The following ZFYVE27 variants were observed in gnomAD, a reference collection of about 807,000 sequenced individuals.
ZFYVE27 encodes protrudin.
A neutral mutation model predicts 52.8 loss-of-function variants in ZFYVE27; 36 were observed. That is an observed-to-expected ratio of 0.68 (90% CI 0.52 to 0.90). The LOEUF (loss-of-function observed/expected upper bound fraction) is 0.90. Among genes scored for constraint, ZFYVE27 ranks in the 40% least tolerant of loss-of-function variants. The pLI is 0.00. For missense variants in ZFYVE27, 450 were observed against 527.2 expected, an observed-to-expected ratio of 0.85 and a Z score of 1.43; for synonymous variants, 223 against 215.6, an observed-to-expected ratio of 1.03 and a Z score of -0.30.
intron 2 of ZFYVE27, among the ~76,000 whole-genome samples, 159 bp from the exon 3 acceptor site, chr10:97,742,935 G>T (rs2044136063): frequency 2.0e-5 from 3 of 152,104 alleles, no homozygotes; most frequent in Admixed American, 6.6e-5. Flanking sequence ...CGCCTCTCCT[G>T]GTCACCAGTC....
chr10:97,751,607 C>G, intron 8 of ZFYVE27, 145 bp downstream of exon 8: 1 of 806,302 alleles, frequency 1.2e-6, no homozygotes, highest in Non-Finnish European at 2.0e-6. Flanking sequence ...AAGAGTGCCA[C>G]TGAACCCCTC....
At chr10:97,747,450 A>C (rs767407353) in intron 4 of ZFYVE27, among the ~76,000 whole-genome samples, 11 of 152,344 alleles carry the variant, frequency 7.2e-5, no homozygotes, top group Admixed American at 2.0e-4. Context: ...TATTACTATG[A>C]TGGTTGCAAA....
intron 12 of ZFYVE27, among the ~76,000 whole-genome samples, chr10:97,758,360 G>A (rs1029488151): frequency 8.0e-6 from 1 of 125,042 alleles, no homozygotes; most frequent in East Asian, 2.3e-4. Context: ...TTTCACTCTT[G>A]TTGCCCAGGC....
intron 9 of ZFYVE27, 74 bp from the exon 10 acceptor site, chr10:97,752,964 C>T (rs1336263637): frequency 1.3e-5 from 21 of 1,612,446 alleles, no homozygotes; most frequent in Admixed American, 1.2e-4. Flanking sequence ...GGGGCTGCCG[C>T]GCAGGATGCC....
At chr10:97,754,850 T>A (rs1160661515) in intron 10 of ZFYVE27, 1 of 1,286,678 alleles carries the variant, frequency 7.8e-7, no homozygotes, top group Non-Finnish European at 1.0e-6. Flanking sequence ...CTACAACTTC[T>A]AAGTAAAGGT....
intron 10 of ZFYVE27, among the ~76,000 whole-genome samples, chr10:97,757,010 A>G (rs1232705454): frequency 6.6e-6 from 1 of 152,152 alleles, no homozygotes. Flanking sequence ...ACCTGTAGGT[A>G]GGGCCACTCA....
In ZFYVE27 at chr10:97,760,794, AAG is replaced by A. The variant is rs962782855; in HGVS notation, c.*1499_*1500del. Reference sequence around the variant, plus strand: ...TATCGTATCGCCTCTGTGTCCTTTTAAGAGAGGAGAGTTCAGTACCCCGTGCT... The same window carrying A: ...TATCGTATCGCCTCTGTGTCCTTTTAAGAGGAGAGTTCAGTACCCCGTGCT... On this transcript the variant is annotated 3_prime_UTR_variant, in exon 13 of 13. Transcript: ENST00000684270. The A allele has an allele frequency of 4.8e-4, 73 of 152,372 alleles. No individual in the cohort carries two copies. Among genetic ancestry groups the A allele is most frequent in the African/African-American group, 1.7e-3 (72 of 41,580 alleles). 9.4% of individuals were successfully genotyped at this position (152,372 alleles called of 1,614,324 possible). A position where few individuals can be genotyped will look rare whatever the true frequency, so the allele number is the denominator to read the frequency against.
At chr10:97,755,002 C>G (rs980240131) in intron 10 of ZFYVE27, 23 of 195,614 alleles carry the variant, frequency 1.2e-4, no homozygotes, top group Non-Finnish European at 2.0e-4. Context: ...ACCTCTTCAT[C>G]CTCCCTCTCT....
chr10:97,744,161 T>A (rs1338432262), intron 3 of ZFYVE27, among the ~76,000 whole-genome samples: 2 of 152,244 alleles, frequency 1.3e-5, no homozygotes, highest in Admixed American at 1.3e-4. Flanking sequence ...CTATGACAGA[T>A]GTTTAGTAAG....
At chr10:97,748,705 T>C (rs933562732) in intron 5 of ZFYVE27, among the ~76,000 whole-genome samples, 1 of 152,264 alleles carries the variant, frequency 6.6e-6, no homozygotes, top group African/African-American at 2.4e-5. Flanking sequence ...ATTTTTCTTT[T>C]GTTTTCCACT....
At chr10:97,753,220 G>T (rs769904813) in intron 10 of ZFYVE27, 38 bp downstream of exon 10, 4 of 1,595,768 alleles carry the variant, frequency 2.5e-6, no homozygotes, top group African/African-American at 1.3e-5. Context: ...GTGGGGGAGT[G>T]GGGGTGGACT....
At chr10:97,747,914 G>A (rs1313402358) in intron 4 of ZFYVE27, among the ~76,000 whole-genome samples, 1 of 152,136 alleles carries the variant, frequency 6.6e-6, no homozygotes, top group African/African-American at 2.4e-5. Flanking sequence ...CATTTATTCT[G>A]ACAGCTGCTG....
intron 3 of ZFYVE27, among the ~76,000 whole-genome samples, chr10:97,744,144 T>A (rs566829693): frequency 5.9e-5 from 9 of 152,222 alleles, no homozygotes; most frequent in Non-Finnish European, 8.8e-5. Context: ...CCAAAGTAAG[T>A]CAGTTCCTAT....
At chr10:97,738,795 T>TCAA in intron 2 of ZFYVE27, 121 bp downstream of exon 2, 1 of 1,146,120 alleles carries the variant, frequency 8.7e-7, no homozygotes. Flanking sequence ...GAGGAGCAGT[T>TCAA]CTGGGAGGTC....
intron 2 of ZFYVE27, among the ~76,000 whole-genome samples, chr10:97,741,405 A>G (rs2043585172): frequency 6.6e-6 from 1 of 152,264 alleles, no homozygotes; most frequent in Non-Finnish European, 1.5e-5. Flanking sequence ...AACGTGGCAC[A>G]TATACACCAT....
intron 8 of ZFYVE27, among the ~76,000 whole-genome samples, chr10:97,751,901 T>G (rs995542834): frequency 3.3e-5 from 5 of 152,234 alleles, no homozygotes; most frequent in Non-Finnish European, 5.9e-5. Context: ...CAGAGGAAGT[T>G]AAACAGCTTT....
intron 2 of ZFYVE27, among the ~76,000 whole-genome samples, chr10:97,741,117 A>T (rs1203388201): frequency 6.6e-6 from 1 of 152,130 alleles, no homozygotes; most frequent in Non-Finnish European, 1.5e-5. Context: ...TCATTCCCTT[A>T]CTCATAAATT....
chr10:97,758,085 AC>A (rs1564839598), intron 12 of ZFYVE27: 1 of 177,586 alleles, frequency 5.6e-6, no homozygotes, highest in Non-Finnish European at 1.2e-5. Flanking sequence ...GGCACTTTGA[AC>A]AAAACTAAAA....
intron 11 of ZFYVE27, 113 bp from the exon 12 acceptor site, chr10:97,757,528 AC>A: frequency 1.2e-5 from 16 of 1,345,678 alleles, no homozygotes; most frequent in African/African-American, 1.4e-5. Flanking sequence ...CCACTTGGGC[AC>A]CCCCCAGGCC....
Sources: allele counts gnomAD v4.1 joint callset (sites outside exome capture counted in the v4.1 genomes callset), GRCh38; gene constraint gnomAD v4.1.1; transcripts MANE v1.5; gene names NCBI Gene and HGNC (gene_info 2026-07-23, HGNC 2026-07-21).